ANO10: variants seen among roughly 807,000 people sequenced by gnomAD.
ANO10 encodes the protein anoctamin-10.
Under a neutral mutation model 74.7 loss-of-function variants are expected in ANO10, and 77 were observed. The ratio of observed to expected loss-of-function variants is 1.03; its 90% confidence interval spans 0.86 to 1.25. ANO10 has a LOEUF of 1.25. Ranked by LOEUF, ANO10 falls within the 50% of genes most tolerant of loss-of-function variation. The probability of loss-of-function intolerance (pLI) is 0.00; values close to 1 mark genes in which losing one functional copy is unlikely to be tolerated. For missense variants in ANO10, 721 were observed against 778.1 expected, an observed-to-expected ratio of 0.93 and a Z score of 0.87; for synonymous variants, 279 against 284.9, an observed-to-expected ratio of 0.98 and a Z score of 0.21.
intron 8 of ANO10, among the ~76,000 whole-genome samples, chr3:43,565,308 C>T (rs914970753): frequency 1.3e-5 from 2 of 152,134 alleles, no homozygotes; most frequent in Non-Finnish European, 2.9e-5. Flanking sequence ...ATTTGCGAGA[C>T]CTAAGGTTAC....
chr3:43,564,404 T>C (rs967943604), intron 8 of ANO10, among the ~76,000 whole-genome samples: 20 of 151,056 alleles, frequency 1.3e-4, no homozygotes, highest in African/African-American at 4.9e-4. Flanking sequence ...TATGTATGTA[T>C]TATTAAAAAA....
In ANO10 at chr3:43,681,006, G is replaced by A. The variant is rs1429443346; in HGVS notation, c.-12+10511C>T. 2.6e-5 allele frequency among the ~76,000 whole-genome samples: 4 copies of A among 152,208 alleles called. No individual in the cohort carries two copies. In the East Asian group the frequency reaches 7.7e-4, roughly 29 times the overall value. The stretch of plus-strand genomic sequence containing the variant: ...ATTGTAAAGACCATCGAGGCTAGGA[G>A]GAAACTGCATCAACTAACGAGCAAA... On this transcript the variant is annotated intron_variant, in intron 1 of 3. Coordinates refer to the ANO10 transcript ENST00000413397.
At chr3:43,372,609 A>C (rs2091654131) in intron 12 of ANO10, 1 of 486,258 alleles carries the variant, frequency 2.1e-6, no homozygotes, top group African/African-American at 2.0e-5. Flanking sequence ...TCATCCCTCT[A>C]TTTCCTCCTC....
At chr3:43,586,645 T>C (rs2081494768) in intron 4 of ANO10, among the ~76,000 whole-genome samples, 1 of 151,780 alleles carries the variant, frequency 6.6e-6, no homozygotes, top group African/African-American at 2.4e-5. Flanking sequence ...AGAAAAAATA[T>C]ATAAACAAAA....
At chr3:43,477,843 T>C (rs2076126090) in intron 11 of ANO10, among the ~76,000 whole-genome samples, 1 of 152,180 alleles carries the variant, frequency 6.6e-6, no homozygotes, top group South Asian at 2.1e-4. Flanking sequence ...AGAGCCATTA[T>C]CACTTACAAT....
At chr3:43,566,028 G>A (rs1339187501) in intron 7 of ANO10, among the ~76,000 whole-genome samples, 4 of 152,204 alleles carry the variant, frequency 2.6e-5, no homozygotes, top group Non-Finnish European at 5.9e-5. Flanking sequence ...CTTGGGAAGC[G>A]CAAGGGGTCA....
chr3:43,417,157 C>A (rs1272360110), intron 12 of ANO10, among the ~76,000 whole-genome samples: 1 of 152,144 alleles, frequency 6.6e-6, no homozygotes, highest in Non-Finnish European at 1.5e-5. Context: ...AAAGAGCAGC[C>A]TGTAAAGTCC....
At chr3:43,487,353 T>C (rs1190521302) in intron 11 of ANO10, among the ~76,000 whole-genome samples, 1 of 152,162 alleles carries the variant, frequency 6.6e-6, no homozygotes, top group African/African-American at 2.4e-5. Flanking sequence ...CTTTTTCTAT[T>C]GATTGGAATA....
chr3:43,535,343 T>C (rs1423367174), intron 11 of ANO10, among the ~76,000 whole-genome samples: 1 of 150,286 alleles, frequency 6.7e-6, no homozygotes, highest in Non-Finnish European at 1.5e-5. Flanking sequence ...TGGTGCCATC[T>C]TGGCTCACTG....
chr3:43,619,438 G>A (rs568135750), intron 1 of ANO10, among the ~76,000 whole-genome samples: 8 of 152,248 alleles, frequency 5.3e-5, no homozygotes, highest in African/African-American at 1.4e-4. Flanking sequence ...TTGCACCATC[G>A]TCATCTAAGA....
At chr3:43,679,510 G>T (rs576339130) in intron 1 of ANO10, among the ~76,000 whole-genome samples, 15 of 152,318 alleles carry the variant, frequency 9.8e-5, no homozygotes, top group Admixed American at 9.8e-4. Flanking sequence ...CTCCACCTCT[G>T]GGGGCAGGGC....
chr3:43,657,768 CTTGT>C (rs975072764), intron 1 of ANO10, among the ~76,000 whole-genome samples: 2 of 152,106 alleles, frequency 1.3e-5, no homozygotes, highest in Admixed American at 1.3e-4. Context: ...TATATTTTTT[CTTGT>C]TTAAGATGGC....
intron 11 of ANO10, among the ~76,000 whole-genome samples, chr3:43,450,333 G>A (rs1449038756): frequency 6.6e-6 from 1 of 152,096 alleles, no homozygotes; most frequent in Non-Finnish European, 1.5e-5. Flanking sequence ...CTGAGGTCAG[G>A]AGTTTGAGAC....
At chr3:43,534,175 A>G (rs375714725) in intron 11 of ANO10, among the ~76,000 whole-genome samples, 27 of 152,026 alleles carry the variant, frequency 1.8e-4, no homozygotes, top group East Asian at 1.5e-3. Flanking sequence ...AAAGAAGATA[A>G]TTATTTATGT....
At chr3:43,644,348 C>G (rs1379243200) in intron 1 of ANO10, among the ~76,000 whole-genome samples, 1 of 152,176 alleles carries the variant, frequency 6.6e-6, no homozygotes, top group Non-Finnish European at 1.5e-5. Context: ...TAGACTTTAA[C>G]TTGCTGTAAT....
At position 43,555,464 on chromosome 3, in the gene ANO10, G is replaced by T; in HGVS notation, c.1482C>A (p.Thr494=). The change falls in exon 10 of 13, where the codon ACC becomes ACA. Residue 494 remains threonine (T), a synonymous_variant. Transcript: ENST00000292246. The stretch of plus-strand genomic sequence containing the variant: ...GGAATAACTCCAAGTAATCATCAAA[G>T]GTGCCCTGAAAATATAAACAAGCAT... The part of the protein sequence containing the change: ...LEKEMGTYLG[T]FDDYLELFLQ... 6.2e-7 allele frequency: 1 copy of T among 1,613,976 alleles called. No homozygotes were observed. Among genetic ancestry groups the T allele is most frequent in the Non-Finnish European group, 8.5e-7 (1 of 1,179,958 alleles).
rs116350274 is a variant in ANO10 at position 43,524,580 on chromosome 3, G to A, written c.1797+25140C>T. Among the ~76,000 whole-genome samples, 1,347 of 152,256 alleles carry A rather than the reference G, an allele frequency of 8.8e-3. 15 individuals carry two copies. The highest frequency in any genetic ancestry group is 0.028 in the African/African-American group (1,171 of 41,534). On this transcript the variant is annotated intron_variant, in intron 11 of 12. Coordinates refer to ENST00000292246, the MANE Select transcript of ANO10 (RefSeq NM_018075.5). ...ACAGTTGGGGCAGGTGAGAAAGGGG[G>A]AAGGAAAGGGAACATGGATTTACTG... is the stretch of plus-strand genomic sequence containing the variant.
At chr3:43,674,104 A>T (rs757319957) in intron 1 of ANO10, among the ~76,000 whole-genome samples, 7 of 152,094 alleles carry the variant, frequency 4.6e-5, no homozygotes, top group African/African-American at 7.2e-5. Context: ...CATGTGTGGG[A>T]TATTCACCCA....
intron 1 of ANO10, among the ~76,000 whole-genome samples, chr3:43,680,399 A>G (rs1403559940): frequency 6.6e-6 from 1 of 152,214 alleles, no homozygotes; most frequent in Admixed American, 6.5e-5. Context: ...AAGAATAAAA[A>G]GAAACAAAGC....
Sources: gnomAD v4.1 joint callset for allele counts (sites outside exome capture counted in the v4.1 genomes callset) on GRCh38, gnomAD v4.1.1 for gene constraint, MANE v1.5 for transcripts, NCBI Gene and HGNC (gene_info 2026-07-23, HGNC 2026-07-21) for gene names.